The following TSNARE1 variants were observed in gnomAD, a reference collection of about 807,000 sequenced individuals.
TSNARE1 encodes the protein t-SNARE domain containing 1.
TSNARE1 carries 49 observed loss-of-function variants against 62.0 expected under a neutral mutation model. The ratio of observed to expected loss-of-function variants is 0.79; its 90% CI spans 0.63 to 1.00. The LOEUF (loss-of-function observed/expected upper bound fraction) is 1.00, where lower values mean the gene tolerates loss of function less well. Among genes scored for constraint, TSNARE1 ranks in the 50% least tolerant of loss-of-function variants. The pLI, the probability that TSNARE1 is intolerant of heterozygous loss-of-function variation, is 0.00. For missense variants in TSNARE1, 755 were observed against 700.1 expected (o/e 1.08, Z -0.88); for synonymous variants, 328 against 294.4 (o/e 1.11, Z -1.17).
intron 12 of TSNARE1, among the ~76,000 whole-genome samples, chr8:142,237,712 C>T (rs949552066): frequency 6.6e-6 from 1 of 152,212 alleles, no homozygotes; most frequent in Non-Finnish European, 1.5e-5. Flanking sequence ...TGGACACTGT[C>T]ACTCCAAGGA....
At chr8:142,346,368 G>A (rs765834172) in intron 2 of TSNARE1, among the ~76,000 whole-genome samples, 27 of 152,226 alleles carry the variant, frequency 1.8e-4, no homozygotes, top group Non-Finnish European at 3.4e-4. Flanking sequence ...GTCCCCACTC[G>A]GCTTTGCGGA....
chr8:142,268,499 G>A (rs895540562), intron 12 of TSNARE1, among the ~76,000 whole-genome samples: 3 of 152,220 alleles, frequency 2.0e-5, no homozygotes, highest in Non-Finnish European at 4.4e-5. Flanking sequence ...CTGCAGGGAA[G>A]CCCCCGACAC....
chr8:142,298,820 C>G (rs1040804141), intron 10 of TSNARE1, among the ~76,000 whole-genome samples: 11 of 152,216 alleles, frequency 7.2e-5, no homozygotes, highest in South Asian at 2.1e-4. Flanking sequence ...GGGAAGCGGT[C>G]CGTCTGCCTC....
chr8:142,357,738 T>TG (rs1563981757), intron 1 of TSNARE1, among the ~76,000 whole-genome samples: 2 of 151,316 alleles, frequency 1.3e-5, no homozygotes, highest in Admixed American at 6.6e-5. Flanking sequence ...GCCCTGGAGG[T>TG]GGGGCTACAT....
chr8:142,280,481 C>T (rs796820998), intron 11 of TSNARE1, among the ~76,000 whole-genome samples: 3 of 152,166 alleles, frequency 2.0e-5, no homozygotes, highest in Admixed American at 1.3e-4. Context: ...TACAGGGGCC[C>T]TTCTGTCTCA....
intron 13 of TSNARE1, 42 bp from the exon 14 acceptor site, chr8:142,212,355 G>A (rs1220592086): frequency 6.6e-6 from 1 of 152,380 alleles, no homozygotes; most frequent in Non-Finnish European, 1.5e-5. Flanking sequence ...GCCCTGACCA[G>A]GTGACAGGGA....
Position 142,242,732 on chromosome 8 carries a change from C to A in TSNARE1, c.1447-13153G>T, listed in dbSNP as rs184546719. ...ATCCCAGCACTTCGGGAGGCCAAGGCGGGTGGATCACCTGAGGTCAGGAGT... is the reference window on the plus strand; with the variant it reads ...ATCCCAGCACTTCGGGAGGCCAAGGAGGGTGGATCACCTGAGGTCAGGAGT... On this transcript the variant is annotated intron_variant, in intron 12 of 13. Coordinates refer to ENST00000524325, the MANE Select transcript of TSNARE1 (RefSeq NM_145003.5). Among the ~76,000 whole-genome samples the A allele has an allele frequency of 7.4e-4, 113 of 152,134 alleles. 1 individual carries two copies. The highest frequency in any genetic ancestry group is 2.3e-3 in the African/African-American group (97 of 41,512).
At chr8:142,275,711 T>C (rs1369793583) in intron 11 of TSNARE1, 2 of 985,260 alleles carry the variant, frequency 2.0e-6, no homozygotes, top group African/African-American at 1.7e-5. Flanking sequence ...GAGAAGAGCT[T>C]GGGAGGCAGG....
chr8:142,270,288 G>GC, intron 12 of TSNARE1: 1 of 985,424 alleles, frequency 1.0e-6, no homozygotes, highest in African/African-American at 1.7e-5. Context: ...AAGTGCCCAG[G>GC]CCCCCGCAGG....
chr8:142,365,602 G>GCACACACACACGCA (rs1835481830), intron 1 of TSNARE1, among the ~76,000 whole-genome samples: 1 of 144,404 alleles, frequency 6.9e-6, no homozygotes, highest in African/African-American at 2.6e-5. Context: ...ACATGCACAC[G>GCACACACACACGCA]CACACACACA....
At chr8:142,361,738 C>T (rs527703245) in intron 1 of TSNARE1, among the ~76,000 whole-genome samples, 2 of 152,316 alleles carry the variant, frequency 1.3e-5, no homozygotes, top group African/African-American at 4.8e-5. Context: ...CCTAAATGAA[C>T]CTCAGGCGAG....
intron 12 of TSNARE1, chr8:142,269,580 C>T (rs1403680848): frequency 1.0e-6 from 1 of 984,526 alleles, no homozygotes; most frequent in Admixed American, 6.1e-5. Context: ...CTTCCTGCCT[C>T]AGCCTCCCAA....
chr8:142,366,527 A>C (rs1835561977), intron 1 of TSNARE1, among the ~76,000 whole-genome samples: 1 of 152,184 alleles, frequency 6.6e-6, no homozygotes, highest in Non-Finnish European at 1.5e-5. Flanking sequence ...ATATTAACCT[A>C]AGAGACCTAC....
intron 13 of TSNARE1, among the ~76,000 whole-genome samples, chr8:142,221,151 A>T (rs1383196800): frequency 6.6e-6 from 1 of 152,218 alleles, no homozygotes; most frequent in African/African-American, 2.4e-5. Flanking sequence ...CATCTGAGAA[A>T]TGGGGACCTC....
intron 12 of TSNARE1, among the ~76,000 whole-genome samples, chr8:142,257,084 C>T (rs1318620438): frequency 1.3e-5 from 2 of 152,208 alleles, no homozygotes; most frequent in African/African-American, 2.4e-5. Context: ...ACCCATCCCC[C>T]AATCACCATA....
At chr8:142,289,540 G>A (rs1206141533) in intron 10 of TSNARE1, among the ~76,000 whole-genome samples, 1 of 152,168 alleles carries the variant, frequency 6.6e-6, no homozygotes, top group Non-Finnish European at 1.5e-5. Flanking sequence ...TGCCACATCA[G>A]CCACACGAGC....
chr8:142,255,667 G>A (rs1298238498), intron 12 of TSNARE1, among the ~76,000 whole-genome samples: 3 of 4,674 alleles, frequency 6.4e-4, no homozygotes, highest in Admixed American at 5.0e-3. Flanking sequence ...CACCACCACT[G>A]TCACCACCAC....
chr8:142,374,801 A>G (rs1836201900), intron 1 of TSNARE1, among the ~76,000 whole-genome samples: 1 of 144,642 alleles, frequency 6.9e-6, no homozygotes, highest in African/African-American at 2.5e-5. Flanking sequence ...TAGTGGGGGC[A>G]GGGAGGGGCT....
intron 13 of TSNARE1, among the ~76,000 whole-genome samples, 193 bp from the exon 14 acceptor site, chr8:142,212,506 A>G (rs1443350501): frequency 2.6e-5 from 4 of 151,670 alleles, no homozygotes; most frequent in Non-Finnish European, 5.9e-5. Flanking sequence ...GGCCCTGGTC[A>G]GGCTCCACGC....
Sources: allele counts gnomAD v4.1 joint callset (sites outside exome capture counted in the v4.1 genomes callset), GRCh38; gene constraint gnomAD v4.1.1; transcripts MANE v1.5; gene names NCBI Gene and HGNC (gene_info 2026-07-23, HGNC 2026-07-21).